PCDH9: variants seen among roughly 807,000 people sequenced by gnomAD.
The protein encoded by PCDH9 is protocadherin-9.
In PCDH9, 24 loss-of-function variants were observed where a neutral mutation model predicts 70.6. The observed-to-expected ratio is 0.34, with a 90% confidence interval of 0.25 to 0.48. The LOEUF (loss-of-function observed/expected upper bound fraction) is 0.48, where lower values mean the gene tolerates loss of function less well. Ranked by LOEUF, PCDH9 falls within the 20% of genes least tolerant of loss-of-function variation. PCDH9 has a pLI of 0.99. For synonymous variants in PCDH9, 562 were observed against 558.5 expected (o/e 1.01, Z -0.09); for missense variants, 1,281 against 1,503.6 (o/e 0.85, Z 2.45).
chr13:66,317,664 T>G (rs976115498), intron 4 of PCDH9, among the ~76,000 whole-genome samples: 6 of 152,150 alleles, frequency 3.9e-5, no homozygotes, highest in Non-Finnish European at 7.4e-5. Flanking sequence ...GACAGAGCTC[T>G]GATGAAATAC....
At chr13:67,152,483 A>G (rs1383485758) in intron 2 of PCDH9, among the ~76,000 whole-genome samples, 1 of 152,220 alleles carries the variant, frequency 6.6e-6, no homozygotes, top group African/African-American at 2.4e-5. Context: ...AATCAGTTAA[A>G]ATCAGCATAT....
rs113431229 is a variant in PCDH9, at chr13:66,855,384, G to C, written c.3138+48120C>G. ...GATTGCTGTGTTGTAATAATGTCTT[G>C]ATTGATTGTTTCCTTAATATGTGCT... On this transcript the variant is annotated intron_variant, in intron 3 of 4. Transcript: ENST00000377865. Among the ~76,000 whole-genome samples the C allele has an allele frequency of 5.3e-5, 8 of 152,144 alleles. 2 individuals are homozygous for C. Among genetic ancestry groups the C allele is most frequent in the African/African-American group, 1.9e-4 (8 of 41,548 alleles).
chr13:66,965,731 T>G (rs1307967450), intron 2 of PCDH9, among the ~76,000 whole-genome samples: 1 of 152,124 alleles, frequency 6.6e-6, no homozygotes, highest in Non-Finnish European at 1.5e-5. Flanking sequence ...CAACTCATTA[T>G]GCCTTAATAA....
intron 2 of PCDH9, among the ~76,000 whole-genome samples, chr13:67,155,386 A>G (rs1339291217): frequency 6.6e-6 from 1 of 152,252 alleles, no homozygotes; most frequent in African/African-American, 2.4e-5. Flanking sequence ...TTACTGTATC[A>G]GAGGTTAGAA....
Position 66,747,401 on chromosome 13 carries a change from A to C in PCDH9, c.3139-115990T>G, listed in dbSNP as rs1021658834. Among the ~76,000 whole-genome samples the C allele has an allele frequency of 5.3e-5, 8 of 150,116 alleles. 1 individual carries two copies. Among genetic ancestry groups the C allele is most frequent in the Admixed American group, 4.0e-4 (6 of 15,058 alleles). On this transcript the variant is annotated intron_variant, in intron 3 of 4. Coordinates refer to ENST00000377865, the MANE Select transcript of PCDH9 (RefSeq NM_203487.3). The stretch of plus-strand genomic sequence containing the variant: ...AAAACAAAACAAAACAAAACACAAA[A>C]AGCATATATATGGCATGACCAAAAC...
chr13:66,527,268 CAA>C (rs59891757), intron 4 of PCDH9, among the ~76,000 whole-genome samples: 3 of 137,278 alleles, frequency 2.2e-5, no homozygotes, highest in African/African-American at 2.7e-5. Context: ...GTTGTCAAAA[CAA>C]AAAAAAAAAG....
intron 2 of PCDH9, chr13:67,222,789 C>G (rs1240748279): frequency 2.6e-5 from 4 of 152,050 alleles, no homozygotes; most frequent in Non-Finnish European, 5.9e-5. Flanking sequence ...ATAAAAGCCA[C>G]TAGTTAAAAA....
chr13:66,769,543 G>A (rs1164259013), intron 3 of PCDH9, among the ~76,000 whole-genome samples: 2 of 151,506 alleles, frequency 1.3e-5, no homozygotes, highest in African/African-American at 2.4e-5. Flanking sequence ...ATAACAGTGT[G>A]GTTACAATTC....
At chr13:66,664,929 A>G (rs569646838) in intron 3 of PCDH9, among the ~76,000 whole-genome samples, 1 of 152,248 alleles carries the variant, frequency 6.6e-6, no homozygotes, top group South Asian at 2.1e-4. Flanking sequence ...AGGCATAGAT[A>G]AAACAGACCC....
chr13:66,721,426 T>C (rs2078940053), intron 3 of PCDH9, among the ~76,000 whole-genome samples: 1 of 152,204 alleles, frequency 6.6e-6, no homozygotes, highest in African/African-American at 2.4e-5. Flanking sequence ...CTTAGTTTAG[T>C]CTAGTGTGTT....
chr13:66,676,079 TTTG>T (rs1313046935), intron 3 of PCDH9, among the ~76,000 whole-genome samples: 2 of 152,116 alleles, frequency 1.3e-5, no homozygotes, highest in African/African-American at 2.4e-5. Flanking sequence ...AACCCTGGAT[TTTG>T]TTAAGGGGCA....
chr13:66,800,241 A>C (rs1240453060), intron 3 of PCDH9, among the ~76,000 whole-genome samples: 1 of 151,906 alleles, frequency 6.6e-6, no homozygotes, highest in East Asian at 1.9e-4. Flanking sequence ...TCTCACCCCC[A>C]GCCCGGGATC....
intron 3 of PCDH9, among the ~76,000 whole-genome samples, chr13:66,651,473 C>G (rs1320719571): frequency 2.6e-5 from 4 of 151,954 alleles, no homozygotes; most frequent in African/African-American, 9.7e-5. Flanking sequence ...AAAACCTGAA[C>G]ATACCTATAA....
chr13:66,754,434 G>GA (rs201304661), intron 3 of PCDH9, among the ~76,000 whole-genome samples: 39 of 149,566 alleles, frequency 2.6e-4, no homozygotes, highest in African/African-American at 6.6e-4. Flanking sequence ...TTAAAAAAAG[G>GA]AAAAAAAAAG....
At chr13:66,802,273 A>C (rs996153533) in intron 3 of PCDH9, among the ~76,000 whole-genome samples, 2 of 152,060 alleles carry the variant, frequency 1.3e-5, no homozygotes, top group African/African-American at 4.8e-5. Context: ...CAAAATAATG[A>C]ATTCCTTTTA....
At chr13:66,394,319 G>C (rs1363403723) in intron 4 of PCDH9, among the ~76,000 whole-genome samples, 1 of 152,084 alleles carries the variant, frequency 6.6e-6, no homozygotes, top group Non-Finnish European at 1.5e-5. Context: ...TCTATTAAAA[G>C]CTAACTTCTA....
intron 4 of PCDH9, among the ~76,000 whole-genome samples, chr13:66,421,639 C>T (rs139234850): frequency 0.011 from 1,675 of 152,262 alleles, 17 homozygotes; most frequent in Non-Finnish European, 0.019. Context: ...ACCAGGCTTG[C>T]CTTACAAGAG....
chr13:66,934,834 C>T (rs1295031929), intron 2 of PCDH9, among the ~76,000 whole-genome samples: 3 of 141,366 alleles, frequency 2.1e-5, no homozygotes, highest in Non-Finnish European at 4.6e-5. Context: ...CATTCTCCTG[C>T]CTCAGCCTCC....
chr13:67,171,219 G>A (rs1404290704), intron 2 of PCDH9, among the ~76,000 whole-genome samples: 1 of 151,920 alleles, frequency 6.6e-6, no homozygotes, highest in East Asian at 1.9e-4. Flanking sequence ...TATATGTACG[G>A]TAACCCAAAC....
Sources: allele counts gnomAD v4.1 joint callset (sites outside exome capture counted in the v4.1 genomes callset), GRCh38; gene constraint gnomAD v4.1.1; transcripts MANE v1.5; gene names NCBI Gene and HGNC (gene_info 2026-07-23, HGNC 2026-07-21).